STARD13: variants seen among roughly 807,000 people sequenced by gnomAD.
The protein encoded by STARD13 is StAR related lipid transfer domain containing 13, also known as stAR-related lipid transfer protein 13.
A neutral mutation model predicts 106.4 loss-of-function variants in STARD13; 62 were observed. That is an observed-to-expected ratio of 0.58 (90% CI 0.48 to 0.72). The LOEUF (loss-of-function observed/expected upper bound fraction) is 0.72. STARD13 is among the 30% of genes least tolerant of loss of function. The probability of loss-of-function intolerance (pLI) is 0.00; values close to 1 mark genes in which losing one functional copy is unlikely to be tolerated. For synonymous variants in STARD13, 565 were observed against 553.0 expected, an observed-to-expected ratio of 1.02 and a Z score of -0.31; for missense variants, 1,387 against 1,424.0, an observed-to-expected ratio of 0.97 and a Z score of 0.42.
the STARD13 span, among the ~76,000 whole-genome samples, chr13:33,594,363 A>T: frequency 6.6e-6 from 1 of 152,228 alleles, no homozygotes; most frequent in Non-Finnish European, 1.5e-5. Context: ...TTTTTCTGCC[A>T]TAATGAATCA....
At chr13:33,488,989 C>T in the STARD13 span, among the ~76,000 whole-genome samples, 1 of 152,228 alleles carries the variant, frequency 6.6e-6, no homozygotes, top group Non-Finnish European at 1.5e-5. Flanking sequence ...GTTGAACACA[C>T]CCTGCTGACT....
At chr13:33,161,090 A>T (rs1882567374) in intron 3 of STARD13, among the ~76,000 whole-genome samples, 1 of 152,256 alleles carries the variant, frequency 6.6e-6, no homozygotes, top group East Asian at 1.9e-4. Flanking sequence ...ATAGAAAGCA[A>T]TGAACTATTA....
intron 2 of STARD13, among the ~76,000 whole-genome samples, chr13:33,166,500 C>T (rs1198155774): frequency 1.3e-5 from 2 of 152,114 alleles, no homozygotes; most frequent in Non-Finnish European, 2.9e-5. Flanking sequence ...TCCTCGTGGC[C>T]ACCCCCTGTC....
the STARD13 span, among the ~76,000 whole-genome samples, chr13:33,468,480 C>G: frequency 4.6e-5 from 7 of 152,164 alleles, no homozygotes; most frequent in Non-Finnish European, 1.0e-4. Context: ...GGACATTTCT[C>G]TCATGGGTGG....
intron 1 of STARD13, among the ~76,000 whole-genome samples, chr13:33,196,245 C>T (rs906060856): frequency 1.3e-5 from 2 of 151,920 alleles, no homozygotes; most frequent in Non-Finnish European, 2.9e-5. Flanking sequence ...ATTAGCTGGG[C>T]GTGGTGACAC....
At chr13:33,568,818 C>T in the STARD13 span, among the ~76,000 whole-genome samples, 2 of 148,318 alleles carry the variant, frequency 1.3e-5, 1 homozygote, top group African/African-American at 4.9e-5. Flanking sequence ...GAAAGATTTA[C>T]TAACTATATG....
the STARD13 span, among the ~76,000 whole-genome samples, chr13:33,621,727 T>C: frequency 2.0e-5 from 3 of 148,674 alleles, no homozygotes; most frequent in Non-Finnish European, 4.5e-5. Flanking sequence ...AGCTTATATA[T>C]ATTAAAAGAA....
chr13:33,184,811 T>C (rs1017610469), intron 1 of STARD13, among the ~76,000 whole-genome samples: 2 of 152,348 alleles, frequency 1.3e-5, no homozygotes, highest in South Asian at 4.1e-4. Flanking sequence ...GGAGCTATTA[T>C]TATTAACCGA....
At chr13:33,459,939 T>A in the STARD13 span, among the ~76,000 whole-genome samples, 1 of 152,204 alleles carries the variant, frequency 6.6e-6, no homozygotes, top group African/African-American at 2.4e-5. Context: ...TTCCTCTGTA[T>A]GTAATATGTC....
intron 8 of STARD13, chr13:33,113,223 A>T: frequency 2.2e-6 from 1 of 461,272 alleles, no homozygotes; most frequent in Non-Finnish European, 3.9e-6. Flanking sequence ...CTGTATTCTG[A>T]GCAATCAACC....
exon 1 of STARD13, chr13:33,350,620 G>A: frequency 7.2e-7 from 1 of 1,381,202 alleles, no homozygotes; most frequent in Non-Finnish European, 9.3e-7. Context: ...GAAACGCCGC[G>A]CTAGGTTATT....
the STARD13 span, among the ~76,000 whole-genome samples, chr13:33,609,742 A>G: frequency 1.3e-5 from 2 of 151,544 alleles, no homozygotes; most frequent in Non-Finnish European, 2.9e-5. Flanking sequence ...AATTTTTTGT[A>G]TTTTTAGTAG....
chr13:33,144,867 A>T (rs1880317615), intron 3 of STARD13, among the ~76,000 whole-genome samples: 1 of 152,238 alleles, frequency 6.6e-6, no homozygotes, highest in Non-Finnish European at 1.5e-5. Flanking sequence ...AAAACACTCC[A>T]TTCTGCTTTT....
At chr13:33,357,633 A>G in the STARD13 span, among the ~76,000 whole-genome samples, 1 of 152,248 alleles carries the variant, frequency 6.6e-6, no homozygotes, top group Non-Finnish European at 1.5e-5. Context: ...TCATCAGCTA[A>G]TAAGTTGCGG....
At chr13:33,465,454 G>A in the STARD13 span, among the ~76,000 whole-genome samples, 1 of 151,916 alleles carries the variant, frequency 6.6e-6, no homozygotes, top group Non-Finnish European at 1.5e-5. Flanking sequence ...CACCTGCCTC[G>A]GCCTCCCAAA....
the STARD13 span, among the ~76,000 whole-genome samples, chr13:33,626,616 T>C: frequency 6.6e-6 from 1 of 152,230 alleles, no homozygotes; most frequent in Non-Finnish European, 1.5e-5. Flanking sequence ...TTAGAAAGTG[T>C]AGGAAAGTAT....
At chr13:33,433,589 A>G in the STARD13 span, among the ~76,000 whole-genome samples, 2 of 152,106 alleles carry the variant, frequency 1.3e-5, no homozygotes, top group South Asian at 2.1e-4. Context: ...TGACTACCAT[A>G]TTACATCTCT....
At chr13:33,510,553 T>C in the STARD13 span, among the ~76,000 whole-genome samples, 1 of 152,274 alleles carries the variant, frequency 6.6e-6, no homozygotes, top group South Asian at 2.1e-4. Context: ...TCTTCATTCA[T>C]GGTGATTACA....
chr13:33,242,761 A>T (rs1283950444), intron 1 of STARD13, among the ~76,000 whole-genome samples: 1 of 152,148 alleles, frequency 6.6e-6, no homozygotes, highest in Non-Finnish European at 1.5e-5. Context: ...ACTAAAAAAA[A>T]AATAAAAAAT....
Sources: gnomAD v4.1 joint callset for allele counts (sites outside exome capture counted in the v4.1 genomes callset) on GRCh38, gnomAD v4.1.1 for gene constraint, MANE v1.5 for transcripts, NCBI Gene and HGNC (gene_info 2026-07-23, HGNC 2026-07-21) for gene names.